HS3ST5: variants seen among roughly 807,000 people sequenced by gnomAD.
HS3ST5 encodes heparan sulfate glucosamine 3-O-sulfotransferase 5.
In HS3ST5, 10 loss-of-function variants were observed where a neutral mutation model predicts 25.4. That is an observed-to-expected ratio of 0.39 (90% CI 0.24 to 0.67). The LOEUF is 0.67. HS3ST5 is among the 30% of genes least tolerant of loss of function. The pLI is 0.44. For synonymous variants in HS3ST5, 170 were observed against 162.4 expected (o/e 1.05, Z -0.36); for missense variants, 324 against 420.7 (o/e 0.77, Z 2.01).
chr6:114,130,623 A>G (rs374895093), intron 3 of HS3ST5, among the ~76,000 whole-genome samples: 172 of 152,050 alleles, frequency 1.1e-3, no homozygotes, highest in South Asian at 1.9e-3. Context: ...AGGCTGGAGT[A>G]CAGTGGCGCA....
chr6:114,298,580 G>C (rs553091581), intron 1 of HS3ST5, among the ~76,000 whole-genome samples: 1 of 152,316 alleles, frequency 6.6e-6, no homozygotes, highest in South Asian at 2.1e-4. Flanking sequence ...GTTAGAGTCA[G>C]GATTCAACCT....
chr6:114,155,403 A>C (rs185897643), intron 3 of HS3ST5, among the ~76,000 whole-genome samples: 1 of 152,156 alleles, frequency 6.6e-6, no homozygotes, highest in South Asian at 2.1e-4. Flanking sequence ...AATCAAGCCA[A>C]TGGATTCTAT....
At chr6:114,189,128 A>G (rs1291997683) in intron 2 of HS3ST5, among the ~76,000 whole-genome samples, 1 of 152,140 alleles carries the variant, frequency 6.6e-6, no homozygotes, top group Non-Finnish European at 1.5e-5. Flanking sequence ...TTATGTATAT[A>G]AAAACATGAT....
At chr6:114,152,683 C>T (rs1008423267) in intron 3 of HS3ST5, among the ~76,000 whole-genome samples, 18 of 152,152 alleles carry the variant, frequency 1.2e-4, no homozygotes, top group African/African-American at 3.6e-4. Flanking sequence ...GAGGGGCCAG[C>T]GCTGGCTCAG....
chr6:114,265,928 T>C (rs1255420774), intron 1 of HS3ST5, among the ~76,000 whole-genome samples: 1 of 152,172 alleles, frequency 6.6e-6, no homozygotes, highest in East Asian at 1.9e-4. Context: ...GTGATCTCTT[T>C]TGGACTTATG....
At chr6:114,058,385 ATTT>A (rs1176525767) in intron 4 of HS3ST5, among the ~76,000 whole-genome samples, 195 bp from the exon 5 acceptor site, 1 of 152,168 alleles carries the variant, frequency 6.6e-6, no homozygotes, top group Admixed American at 6.5e-5. Flanking sequence ...TAATTGATGA[ATTT>A]TTTTATTAGT....
chr6:114,094,237 T>TG lies in HS3ST5; in HGVS notation c.-32-31361dup, dbSNP rs1331024613. Among the ~76,000 whole-genome samples the TG allele has an allele frequency of 2.0e-5, 3 of 152,308 alleles. No individual in the cohort carries two copies. In the East Asian group the frequency reaches 5.8e-4, roughly 29 times the overall value. ...AGTTTTTAAAAAATCTTGACTTATT[T>TG]GGGGGAGTTCAAGAAGAGGTGCACA... On this transcript the variant is annotated intron_variant, in intron 3 of 4. Transcript: ENST00000312719.
chr6:114,109,230 T>G (rs1388508694), intron 3 of HS3ST5, among the ~76,000 whole-genome samples: 6 of 151,988 alleles, frequency 3.9e-5, no homozygotes, highest in South Asian at 2.1e-4. Flanking sequence ...TTGCACTGAT[T>G]AAAGGTTTAA....
chr6:114,230,087 A>G (rs1379382972), intron 1 of HS3ST5: 1 of 152,022 alleles, frequency 6.6e-6, no homozygotes, highest in Non-Finnish European at 1.5e-5. Context: ...TGCAGAGTCA[A>G]AAACAGCCTT....
chr6:114,161,521 T>TTTTATATA (rs1464812966), intron 3 of HS3ST5, among the ~76,000 whole-genome samples: 8 of 33,536 alleles, frequency 2.4e-4, no homozygotes, highest in Admixed American at 6.1e-4. Flanking sequence ...TCCTGAAGTT[T>TTTTATATA]TATATATATA....
intron 1 of HS3ST5, among the ~76,000 whole-genome samples, chr6:114,298,790 T>C (rs1184467899): frequency 2.0e-5 from 3 of 152,200 alleles, no homozygotes; most frequent in Admixed American, 6.5e-5. Context: ...ATTGTGAAGA[T>C]TTCGTGGACA....
chr6:114,232,937 G>A (rs1771670020), intron 1 of HS3ST5, among the ~76,000 whole-genome samples: 1 of 151,850 alleles, frequency 6.6e-6, no homozygotes, highest in Non-Finnish European at 1.5e-5. Context: ...AATCCCTTGT[G>A]TAAAAACTTT....
At chr6:114,081,182 A>G (rs1195685235) in intron 3 of HS3ST5, among the ~76,000 whole-genome samples, 1 of 152,198 alleles carries the variant, frequency 6.6e-6, no homozygotes. Flanking sequence ...AAATAATTAC[A>G]GTAGTAACAT....
intron 2 of HS3ST5, among the ~76,000 whole-genome samples, chr6:114,178,045 T>C (rs1582685504): frequency 1.3e-5 from 2 of 152,248 alleles, no homozygotes; most frequent in Admixed American, 6.5e-5. Context: ...TATTCATTGA[T>C]ATTTTGCTAA....
intron 3 of HS3ST5, among the ~76,000 whole-genome samples, chr6:114,133,397 C>T (rs1295147447): frequency 1.3e-5 from 2 of 152,156 alleles, no homozygotes; most frequent in African/African-American, 4.8e-5. Flanking sequence ...GTAGATAGTC[C>T]TTGCTCCTCT....
intron 2 of HS3ST5, among the ~76,000 whole-genome samples, chr6:114,193,758 A>T (rs143498712): frequency 0.012 from 1,759 of 152,282 alleles, 15 homozygotes; most frequent in Non-Finnish European, 0.018. Flanking sequence ...AATCAATATT[A>T]CTATTATGAG....
chr6:114,257,973 G>A (rs114391228), intron 1 of HS3ST5, among the ~76,000 whole-genome samples: 322 of 152,160 alleles, frequency 2.1e-3, no homozygotes, highest in African/African-American at 7.3e-3. Context: ...TGCCCAGGCT[G>A]GTCTCAAACT....
At chr6:114,094,704 C>G (rs2114803378) in intron 3 of HS3ST5, among the ~76,000 whole-genome samples, 1 of 152,284 alleles carries the variant, frequency 6.6e-6, no homozygotes, top group East Asian at 1.9e-4. Context: ...CTATGATAGA[C>G]AGGGTGGCTG....
chr6:114,096,195 C>T (rs1299114212), intron 3 of HS3ST5, among the ~76,000 whole-genome samples: 1 of 152,040 alleles, frequency 6.6e-6, no homozygotes, highest in African/African-American at 2.4e-5. Context: ...TTCACTAGTC[C>T]AAGGGAACAT....
Sources: allele counts gnomAD v4.1 joint callset (sites outside exome capture counted in the v4.1 genomes callset), GRCh38; gene constraint gnomAD v4.1.1; transcripts MANE v1.5; gene names NCBI Gene and HGNC (gene_info 2026-07-23, HGNC 2026-07-21).